NAALAD2: variants seen among roughly 807,000 people sequenced by gnomAD.
The protein encoded by NAALAD2 is N-acetylated-alpha-linked acidic dipeptidase 2.
In NAALAD2, 89 loss-of-function variants were observed where a neutral mutation model predicts 95.6. That is an observed-to-expected ratio of 0.93 (90% CI 0.78 to 1.11). The LOEUF is 1.11. Ranked by LOEUF, NAALAD2 falls within the 50% of genes least tolerant of loss-of-function variation. NAALAD2 has a pLI of 0.00. For missense variants in NAALAD2, 894 were observed against 872.4 expected (o/e 1.02, Z -0.31); for synonymous variants, 264 against 294.4 (o/e 0.90, Z 1.06).
chr11:90,146,833 C>T (rs1019978556), intron 2 of NAALAD2, among the ~76,000 whole-genome samples: 16 of 152,088 alleles, frequency 1.1e-4, no homozygotes, highest in Middle Eastern at 3.4e-3. Context: ...GAACTAAGCA[C>T]TAGGGGATAT....
chr11:90,141,219 A>G (rs956324535), intron 2 of NAALAD2, among the ~76,000 whole-genome samples: 1 of 152,114 alleles, frequency 6.6e-6, no homozygotes, highest in Admixed American at 6.5e-5. Context: ...TATATCCCTT[A>G]CCTTTTCATT....
intron 13 of NAALAD2, among the ~76,000 whole-genome samples, chr11:90,172,580 A>G (rs528094476): frequency 5.9e-5 from 9 of 152,270 alleles, no homozygotes; most frequent in African/African-American, 2.2e-4. Context: ...CCTTACTTGG[A>G]GACATATCTA....
At position 90,170,149 on chromosome 11, in the gene NAALAD2, A is replaced by G; in HGVS notation, c.1410+13A>G. 4 of 1,466,898 alleles carry G rather than the reference A, an allele frequency of 2.7e-6. No individual in the cohort carries two copies. The highest frequency in any genetic ancestry group is 3.8e-6 in the Non-Finnish European group (4 of 1,046,030). 90.9% of individuals were successfully genotyped at this position (1,466,898 alleles called of 1,614,324 possible). A position where few individuals can be genotyped will look rare whatever the true frequency, so the allele number is the denominator to read the frequency against. On this transcript the variant is annotated intron_variant, in intron 13 of 18. Transcript: ENST00000534061. ...ACTGACAAAAGAGGTATATAAGGAA[A>G]TGTGTCTTCATATGTTCTCTTTTGA...
At chr11:90,145,896 A>G (rs1951740014) in intron 2 of NAALAD2, among the ~76,000 whole-genome samples, 1 of 152,208 alleles carries the variant, frequency 6.6e-6, no homozygotes, top group African/African-American at 2.4e-5. Flanking sequence ...AAGACAGAAG[A>G]CAGGACCTAA....
At chr11:90,186,895 C>CA in intron 18 of NAALAD2, among the ~76,000 whole-genome samples, 1 of 135,510 alleles carries the variant, frequency 7.4e-6, no homozygotes, top group Non-Finnish European at 1.6e-5. Context: ...AGGCAACCTA[C>CA]AAAATGGGAG....
intron 16 of NAALAD2, among the ~76,000 whole-genome samples, chr11:90,180,806 A>AG (rs1044343179): frequency 1.3e-5 from 2 of 152,100 alleles, no homozygotes; most frequent in Non-Finnish European, 2.9e-5. Context: ...AAAAATATTC[A>AG]GAAAAAAAAA....
At chr11:90,179,444 A>G (rs568639860) in intron 16 of NAALAD2, among the ~76,000 whole-genome samples, 25 of 152,160 alleles carry the variant, frequency 1.6e-4, no homozygotes, top group Non-Finnish European at 2.9e-4. Context: ...GGTATGGAAT[A>G]GTAATGACTT....
Position 90,155,312 on chromosome 11 carries a change from TTATATATAATATATAATGTATAATTATA to T in NAALAD2, c.797-2827_797-2800del, listed in dbSNP as rs1952035785. On this transcript the variant is annotated intron_variant, in intron 6 of 18. Coordinates refer to ENST00000534061, the MANE Select transcript of NAALAD2 (RefSeq NM_005467.4). ...CATATATGTATATATAATGTATATA[TTATATATAATATATAATGTATAATTATA>T]TATATTATATATTACATGTATAATA... Among the ~76,000 whole-genome samples the T allele has an allele frequency of 3.3e-5, 4 of 120,182 alleles. No homozygotes were observed. The South Asian group carries it at 9.6e-4, about 29-fold the overall frequency. 78.8% of individuals were successfully genotyped at this position (120,182 alleles called of 152,430 possible). A position where few individuals can be genotyped will look rare whatever the true frequency, so the allele number is the denominator to read the frequency against.
chr11:90,173,857 T>G lies in NAALAD2; in HGVS notation c.1444T>G (p.Ser482Ala), dbSNP rs1412021435. The G allele has an allele frequency of 6.2e-7, 1 of 1,613,238 alleles. No homozygotes were observed. ...CCCTGATGATGGGTTTGAGAGTAAA[T>G]CACTGTATGAAAGCTGGTTGGAAAA... is the stretch of plus-strand genomic sequence containing the variant. ...PSPDDGFESK[S>A]LYESWLEKDP... is the part of the protein sequence containing the mutation. Residue 482 changes from serine (S) to alanine (A), a missense_variant, in exon 14 of 19, where the codon TCA becomes GCA. By Grantham distance (99) the Ser-to-Ala change is moderately conservative. Coordinates refer to ENST00000534061, the MANE Select transcript of NAALAD2 (RefSeq NM_005467.4).
At chr11:90,177,789 A>G (rs1280158462) in intron 15 of NAALAD2, 64 bp from the exon 16 acceptor site, 5 of 1,432,024 alleles carry the variant, frequency 3.5e-6, no homozygotes, top group Non-Finnish European at 4.7e-6. Context: ...TTATGCTTAC[A>G]TAAAAATATT....
chr11:90,147,598 G>A (rs1951777257), intron 3 of NAALAD2, 82 bp downstream of exon 3: 3 of 1,277,338 alleles, frequency 2.3e-6, no homozygotes, highest in Non-Finnish European at 3.3e-6. Context: ...AGTAAAAGTA[G>A]AAATTTGTTA....
chr11:90,181,767 GTT>G, intron 17 of NAALAD2, 66 bp downstream of exon 17: 1 of 1,032,384 alleles, frequency 9.7e-7, no homozygotes, highest in Non-Finnish European at 1.5e-6. Context: ...AGAATGAACT[GTT>G]TCACTCATAT....
At position 90,181,328 on chromosome 11, in the gene NAALAD2, G is replaced by T. The variant is rs546912757; in HGVS notation, c.1859-292G>T. Among the ~76,000 whole-genome samples the T allele has an allele frequency of 2.6e-4, 39 of 152,110 alleles. No individual in the cohort carries two copies. In the South Asian group the frequency reaches 6.9e-3, roughly 27 times the overall value. On this transcript the variant is annotated intron_variant, in intron 16 of 18. Transcript: ENST00000534061. ...ACAGTTGTTGTCCCAATGAATGAAT[G>T]AATTAATAAAAAAATGAATTCTGGG...
chr11:90,178,042 A>C lies in NAALAD2; in HGVS notation c.1783A>C (p.Lys595Gln), dbSNP rs1952853984. The change falls in exon 16 of 19, where the codon AAA (lysine) becomes CAA (glutamine). Residue 595 changes from lysine to glutamine, a missense_variant. By Grantham distance (53) the Lys-to-Gln change is moderately conservative. Transcript: ENST00000534061. ...FNIQDYAEAL[K>Q]NYAASIYNLS... ...TATTCAAGACTATGCAGAAGCTTTGAAAAACTATGCAGCAAGTATCTATAA... is the reference window on the plus strand; with the variant it reads ...TATTCAAGACTATGCAGAAGCTTTGCAAAACTATGCAGCAAGTATCTATAA... 1.2e-6 allele frequency: 2 copies of C among 1,613,826 alleles called. No homozygotes were observed. The highest frequency in any genetic ancestry group is 2.7e-5 in the African/African-American group (2 of 74,916).
intron 5 of NAALAD2, 98 bp from the exon 6 acceptor site, chr11:90,152,200 G>A: frequency 3.5e-6 from 4 of 1,151,900 alleles, no homozygotes; most frequent in Non-Finnish European, 4.8e-6. Flanking sequence ...AAAAGGCAGT[G>A]TCTAAATATC....
chr11:90,155,758 T>C (rs68127061), intron 6 of NAALAD2, among the ~76,000 whole-genome samples: 47,106 of 112,450 alleles, frequency 0.42, 11,899 homozygotes, highest in African/African-American at 0.6. Context: ...ATTACATATG[T>C]ATGTATTATG....
chr11:90,192,554 A>G lies in NAALAD2; in HGVS notation c.*807A>G, dbSNP rs868533033. The G allele has an allele frequency of 1.3e-5, 2 of 152,034 alleles. No homozygotes were observed. Among genetic ancestry groups the G allele is most frequent in the African/African-American group, 4.8e-5 (2 of 41,442 alleles). 9.4% of individuals were successfully genotyped at this position (152,034 alleles called of 1,614,324 possible). A position where few individuals can be genotyped will look rare whatever the true frequency, so the allele number is the denominator to read the frequency against. ...GAGTGGCAAATTGTAAACTTAAAAT[A>G]TATATAAAATTTATTGTATGAAAAT... is the stretch of plus-strand genomic sequence containing the variant. On this transcript the variant is annotated 3_prime_UTR_variant, in exon 19 of 19. Transcript: ENST00000534061.
intron 6 of NAALAD2, among the ~76,000 whole-genome samples, chr11:90,155,753 A>T (rs71471032): frequency 0.12 from 14,061 of 120,958 alleles, 1,592 homozygotes; most frequent in East Asian, 0.27. Flanking sequence ...GTATTATTAC[A>T]TATGTATGTA....
In NAALAD2 at chr11:90,168,906, TAAC is replaced by T. The variant is rs1486299462; in HGVS notation, c.1279-19_1279-17del. ...TCACAACTAAGTAATGTGAATTAAG[TAAC>T]AACTTTGCTTCAACTACAGGAGAAT... On this transcript the variant is annotated intron_variant, in intron 11 of 18. Coordinates refer to ENST00000534061, the MANE Select transcript of NAALAD2 (RefSeq NM_005467.4). 3.2e-6 allele frequency: 5 copies of T among 1,578,178 alleles called. No homozygotes were observed. In the African/African-American group the frequency reaches 5.4e-5, roughly 17 times the overall value.
Sources: allele counts gnomAD v4.1 joint callset (sites outside exome capture counted in the v4.1 genomes callset), GRCh38; gene constraint gnomAD v4.1.1; transcripts MANE v1.5; gene names NCBI Gene and HGNC (gene_info 2026-07-23, HGNC 2026-07-21).